PRR16: variants seen among roughly 807,000 people sequenced by gnomAD.
PRR16 encodes the protein protein Largen.
Under a neutral mutation model 18.2 loss-of-function variants are expected in PRR16, and 6 were observed. That is an observed-to-expected ratio of 0.33 (90% CI 0.18 to 0.65). The LOEUF (loss-of-function observed/expected upper bound fraction) is 0.65, where lower values mean the gene tolerates loss of function less well. Among genes scored for constraint, PRR16 ranks in the 30% least tolerant of loss-of-function variants. PRR16 has a pLI of 0.74. For missense variants in PRR16, 412 were observed against 376.6 expected (o/e 1.09, Z -0.78); for synonymous variants, 151 against 147.8 (o/e 1.02, Z -0.16).
chr5:120,724,259 G>T, the PRR16 span, among the ~76,000 whole-genome samples: 1 of 151,958 alleles, frequency 6.6e-6, no homozygotes. Flanking sequence ...ACTATATTTA[G>T]TCTTTCCACA....
chr5:120,744,898 T>G, the PRR16 span, among the ~76,000 whole-genome samples: 4 of 152,112 alleles, frequency 2.6e-5, no homozygotes, highest in Admixed American at 6.5e-5. Context: ...GTTGGAAAAT[T>G]TGAATTGTAT....
downstream of PRR16, among the ~76,000 whole-genome samples, chr5:120,689,551 T>C (rs1180859319): frequency 1.3e-5 from 2 of 152,180 alleles, no homozygotes; most frequent in Non-Finnish European, 2.9e-5. Flanking sequence ...TTGTTAACAA[T>C]GTGCATTTGA....
At chr5:120,543,122 C>T (rs1415266773) in intron 1 of PRR16, among the ~76,000 whole-genome samples, 1 of 152,120 alleles carries the variant, frequency 6.6e-6, no homozygotes, top group East Asian at 1.9e-4. Flanking sequence ...ATATAGTCCC[C>T]TTACCTTTCA....
At chr5:120,762,170 A>G in the PRR16 span, among the ~76,000 whole-genome samples, 1 of 152,152 alleles carries the variant, frequency 6.6e-6, no homozygotes, top group Non-Finnish European at 1.5e-5. Context: ...GTGTTTTAAT[A>G]AGCATGGTGG....
chr5:120,615,384 C>CTTTTTTTTTTTTTTTT (rs10717083), intron 1 of PRR16, among the ~76,000 whole-genome samples: 6 of 119,428 alleles, frequency 5.0e-5, no homozygotes, highest in Non-Finnish European at 7.0e-5. Context: ...TCTTTCTTTT[C>CTTTTTTTTTTTTTTTT]TTTTTTTTTT....
chr5:120,694,011 C>G, the PRR16 span, among the ~76,000 whole-genome samples: 3 of 152,134 alleles, frequency 2.0e-5, no homozygotes, highest in African/African-American at 7.2e-5. Flanking sequence ...ACCCAGTTTC[C>G]TAACAATTTC....
At chr5:120,587,444 G>A (rs1753485039) in intron 1 of PRR16, among the ~76,000 whole-genome samples, 2 of 152,180 alleles carry the variant, frequency 1.3e-5, no homozygotes, top group African/African-American at 4.8e-5. Flanking sequence ...TTCTGACACT[G>A]TTTTTAGGGG....
chr5:120,494,414 G>T (rs796760454), intron 1 of PRR16, among the ~76,000 whole-genome samples: 12 of 151,964 alleles, frequency 7.9e-5, no homozygotes, highest in African/African-American at 2.9e-4. Context: ...GGCCTTAATT[G>T]ATCTTCTTGC....
chr5:120,523,536 G>T (rs1751255023), intron 1 of PRR16, among the ~76,000 whole-genome samples: 1 of 151,934 alleles, frequency 6.6e-6, no homozygotes, highest in African/African-American at 2.4e-5. Flanking sequence ...TATACTGTTT[G>T]TTTTATCCTT....
the PRR16 span, among the ~76,000 whole-genome samples, chr5:120,753,209 T>G: frequency 6.6e-6 from 1 of 151,914 alleles, no homozygotes; most frequent in Non-Finnish European, 1.5e-5. Context: ...TTAAATGGTC[T>G]AAAGAAGCCC....
chr5:120,787,543 A>G, the PRR16 span, among the ~76,000 whole-genome samples: 13 of 152,180 alleles, frequency 8.5e-5, no homozygotes, highest in African/African-American at 2.4e-4. Flanking sequence ...ATCCGCTTCC[A>G]TAAGATACCT....
chr5:120,617,501 A>C (rs1382656606), intron 1 of PRR16, among the ~76,000 whole-genome samples: 1 of 152,204 alleles, frequency 6.6e-6, no homozygotes, highest in African/African-American at 2.4e-5. Flanking sequence ...TTAAGGCTCC[A>C]AAAATATTTT....
At chr5:120,726,782 G>A in the PRR16 span, among the ~76,000 whole-genome samples, 112 of 152,124 alleles carry the variant, frequency 7.4e-4, no homozygotes, top group African/African-American at 2.6e-3. Flanking sequence ...AAAACATTCA[G>A]GGTCAACTTG....
rs368175335 is a variant in PRR16, at chr5:120,487,252, G to C, written c.159+22607G>C. On this transcript the variant is annotated intron_variant, in intron 1 of 1. Coordinates refer to ENST00000407149, the MANE Select transcript of PRR16 (RefSeq NM_001300783.2). Reference sequence around the variant, plus strand: ...TTACCTTGGGCAGTATGGCCATTTTGACGATATTGATTCTTCCTACCCATG... The same window carrying C: ...TTACCTTGGGCAGTATGGCCATTTTCACGATATTGATTCTTCCTACCCATG... Among the ~76,000 whole-genome samples, 59 of 152,166 alleles carry C rather than the reference G, an allele frequency of 3.9e-4. 1 individual carries two copies. The highest frequency in any genetic ancestry group is 8.3e-4 in the South Asian group (4 of 4,814).
chr5:120,783,346 A>G, the PRR16 span, among the ~76,000 whole-genome samples: 2 of 152,162 alleles, frequency 1.3e-5, no homozygotes, highest in African/African-American at 2.4e-5. Context: ...TTCTAATTCA[A>G]TCATAGGTAT....
chr5:120,727,504 C>G, the PRR16 span, among the ~76,000 whole-genome samples: 1 of 152,092 alleles, frequency 6.6e-6, no homozygotes, highest in African/African-American at 2.4e-5. Flanking sequence ...TTCTTTGCAA[C>G]CTTTCACCGA....
chr5:120,753,949 ATATAT>A, the PRR16 span, among the ~76,000 whole-genome samples: 1 of 110,900 alleles, frequency 9.0e-6, no homozygotes, highest in Non-Finnish European at 1.8e-5. Flanking sequence ...AATATATGTT[ATATAT>A]TATATATAAT....
At chr5:120,590,349 T>A (rs1753591760) in intron 1 of PRR16, among the ~76,000 whole-genome samples, 1 of 152,172 alleles carries the variant, frequency 6.6e-6, no homozygotes, top group South Asian at 2.1e-4. Context: ...ACTTGATTTA[T>A]CTCATTAAGA....
At chr5:120,745,676 ATTTAT>A in the PRR16 span, among the ~76,000 whole-genome samples, 2 of 150,756 alleles carry the variant, frequency 1.3e-5, no homozygotes, top group African/African-American at 2.4e-5. Flanking sequence ...TTAGCCTTGT[ATTTAT>A]TTTATTATTT....
Sources: gnomAD v4.1 joint callset for allele counts (sites outside exome capture counted in the v4.1 genomes callset) on GRCh38, gnomAD v4.1.1 for gene constraint, MANE v1.5 for transcripts, NCBI Gene and HGNC (gene_info 2026-07-23, HGNC 2026-07-21) for gene names.